PLCXD3: variants seen among roughly 807,000 people sequenced by gnomAD.
The protein encoded by PLCXD3 is PI-PLC X domain-containing protein 3.
Under a neutral mutation model 25.5 loss-of-function variants are expected in PLCXD3, and 19 were observed. That is an observed-to-expected ratio of 0.75 (90% CI 0.52 to 1.09). The LOEUF is 1.09. Ranked by LOEUF, PLCXD3 falls within the 50% of genes least tolerant of loss-of-function variation. The probability of loss-of-function intolerance (pLI) is 0.00; values close to 1 mark genes in which losing one functional copy is unlikely to be tolerated. For missense variants in PLCXD3, 411 were observed against 388.1 expected (o/e 1.06, Z -0.50); for synonymous variants, 174 against 137.6 (o/e 1.26, Z -1.85).
At chr5:41,412,412 C>A (rs957479985) in intron 1 of PLCXD3, among the ~76,000 whole-genome samples, 10 of 152,092 alleles carry the variant, frequency 6.6e-5, no homozygotes, top group Admixed American at 5.9e-4. Context: ...ATAATAAATT[C>A]TCAGAAATTC....
intron 1 of PLCXD3, among the ~76,000 whole-genome samples, chr5:41,410,134 T>C (rs1277965629): frequency 2.5e-4 from 32 of 127,748 alleles, no homozygotes; most frequent in African/African-American, 9.4e-4. Context: ...CCCCTCCTTT[T>C]ATTTATCTTT....
At chr5:41,326,535 T>C (rs944758426) in intron 2 of PLCXD3, among the ~76,000 whole-genome samples, 3 of 152,152 alleles carry the variant, frequency 2.0e-5, no homozygotes, top group Non-Finnish European at 4.4e-5. Flanking sequence ...TCTCCAGTGA[T>C]ACTGAAATGC....
intron 1 of PLCXD3, among the ~76,000 whole-genome samples, chr5:41,473,584 C>T (rs1056842499): frequency 6.6e-6 from 1 of 152,014 alleles, no homozygotes; most frequent in African/African-American, 2.4e-5. Context: ...CTGGGACTAG[C>T]TGGGACTAGA....
intron 2 of PLCXD3, among the ~76,000 whole-genome samples, chr5:41,354,292 T>A (rs567201204): frequency 6.6e-6 from 1 of 152,206 alleles, no homozygotes; most frequent in Non-Finnish European, 1.5e-5. Context: ...AGGACCTGAA[T>A]GTCCTACAAA....
chr5:41,510,515 A>G lies in PLCXD3; in HGVS notation c.12T>C (p.Ser4=). Residue 4 remains serine, a synonymous_variant, in exon 1 of 3, where the codon TCT becomes TCC. Transcript: ENST00000377801. MAS[S]QGKNELKLAD... ...CTAATTTCAGCTCGTTTTTCCCCTG[A>G]GACGAGGCCATCGTGCCAGTCGGCG... is the stretch of plus-strand genomic sequence containing the variant. 6.2e-7 allele frequency: 1 copy of G among 1,613,014 alleles called. No individual in the cohort carries two copies. Among genetic ancestry groups the G allele is most frequent in the Non-Finnish European group, 8.5e-7 (1 of 1,179,410 alleles).
intron 1 of PLCXD3, among the ~76,000 whole-genome samples, chr5:41,398,096 G>A (rs1277807076): frequency 2.0e-5 from 3 of 152,192 alleles, no homozygotes; most frequent in South Asian, 2.1e-4. Flanking sequence ...AGGAAGGCAC[G>A]TCTGTGTTTT....
intron 1 of PLCXD3, among the ~76,000 whole-genome samples, chr5:41,438,245 T>G (rs1462962799): frequency 4.6e-5 from 7 of 152,218 alleles, no homozygotes; most frequent in Non-Finnish European, 1.0e-4. Flanking sequence ...GCTTCTTATT[T>G]TAGCACTTTA....
At chr5:41,331,890 A>G (rs1374881836) in intron 2 of PLCXD3, among the ~76,000 whole-genome samples, 2 of 152,210 alleles carry the variant, frequency 1.3e-5, no homozygotes, top group African/African-American at 4.8e-5. Context: ...GGCTAGCCAT[A>G]TGTAGAAAGC....
At chr5:41,376,142 A>T (rs1425813455) in intron 2 of PLCXD3, among the ~76,000 whole-genome samples, 1 of 152,198 alleles carries the variant, frequency 6.6e-6, no homozygotes, top group East Asian at 1.9e-4. Flanking sequence ...ACTCAAGATG[A>T]TCACTGTGAT....
In PLCXD3 at chr5:41,510,409, C is replaced by G. The variant is rs746517557; in HGVS notation, c.103+15G>C. The stretch of plus-strand genomic sequence containing the variant: ...CGGGCGCCGAGCGCCTAGCCCGCAG[C>G]CCCTGCGCGCCTACCTGGAATGGCT... On this transcript the variant is annotated intron_variant, in intron 1 of 2. Coordinates refer to ENST00000377801, the MANE Select transcript of PLCXD3 (RefSeq NM_001005473.3). The G allele has an allele frequency of 2.5e-6, 4 of 1,595,296 alleles. No homozygotes were observed. In the Admixed American group the frequency reaches 6.9e-5, roughly 27 times the overall value.
intron 2 of PLCXD3, among the ~76,000 whole-genome samples, chr5:41,349,633 G>A (rs547738200): frequency 2.0e-5 from 3 of 152,316 alleles, no homozygotes; most frequent in Admixed American, 6.5e-5. Flanking sequence ...TGGTCCAAGA[G>A]TTTAAAGCAG....
chr5:41,341,920 T>C (rs1223972698), intron 2 of PLCXD3, among the ~76,000 whole-genome samples: 13 of 152,096 alleles, frequency 8.5e-5, no homozygotes, highest in Non-Finnish European at 1.9e-4. Flanking sequence ...ATGCTTTACC[T>C]CTCAAGATAT....
At chr5:41,322,608 CTA>C (rs1353279934) in intron 2 of PLCXD3, among the ~76,000 whole-genome samples, 3 of 152,174 alleles carry the variant, frequency 2.0e-5, no homozygotes, top group Non-Finnish European at 2.9e-5. Context: ...ATCTGCACTC[CTA>C]TGTTTGTTGC....
chr5:41,494,513 G>C (rs1176050184), intron 1 of PLCXD3, among the ~76,000 whole-genome samples: 1 of 152,174 alleles, frequency 6.6e-6, no homozygotes, highest in Non-Finnish European at 1.5e-5. Context: ...ATCACTCCTA[G>C]ATTTTGGGCT....
intron 2 of PLCXD3, among the ~76,000 whole-genome samples, chr5:41,323,361 A>C (rs982157419): frequency 5.3e-5 from 8 of 152,238 alleles, no homozygotes; most frequent in African/African-American, 1.9e-4. Flanking sequence ...TAACTTAAAA[A>C]GTGTAATTGG....
intron 2 of PLCXD3, among the ~76,000 whole-genome samples, chr5:41,342,484 G>C (rs1645974004): frequency 6.6e-6 from 1 of 152,146 alleles, no homozygotes; most frequent in African/African-American, 2.4e-5. Context: ...GGGCCTCAAA[G>C]CAGTTGAGGC....
intron 1 of PLCXD3, among the ~76,000 whole-genome samples, chr5:41,466,260 A>T (rs1748016253): frequency 1.3e-5 from 2 of 152,130 alleles, no homozygotes; most frequent in Admixed American, 1.3e-4. Context: ...TTGAGCCCTG[A>T]ACAGAAAAAG....
chr5:41,478,393 G>A (rs1748325855), intron 1 of PLCXD3, among the ~76,000 whole-genome samples: 1 of 152,130 alleles, frequency 6.6e-6, no homozygotes, highest in South Asian at 2.1e-4. Context: ...TAATCATACA[G>A]AGTTAACATC....
At chr5:41,453,343 C>A (rs1413152397) in intron 1 of PLCXD3, among the ~76,000 whole-genome samples, 1 of 151,630 alleles carries the variant, frequency 6.6e-6, no homozygotes, top group Non-Finnish European at 1.5e-5. Flanking sequence ...ATGCTCTGTA[C>A]CCATTCTCTG....
Sources: gnomAD v4.1 joint callset for allele counts (sites outside exome capture counted in the v4.1 genomes callset) on GRCh38, gnomAD v4.1.1 for gene constraint, MANE v1.5 for transcripts, NCBI Gene and HGNC (gene_info 2026-07-23, HGNC 2026-07-21) for gene names.